Variants in NUP107 observed in about 807,000 individuals in gnomAD.
NUP107 encodes nuclear pore complex protein Nup107.
A neutral mutation model predicts 141.0 loss-of-function variants in NUP107; 101 were observed. The ratio of observed to expected loss-of-function variants is 0.72; its 90% confidence interval spans 0.61 to 0.84. The LOEUF is 0.84. Ranked by LOEUF, NUP107 falls within the 40% of genes least tolerant of loss-of-function variation. The pLI is 0.00. For missense variants in NUP107, 941 were observed against 1,102.7 expected (o/e 0.85, Z 2.08); for synonymous variants, 319 against 363.9 (o/e 0.88, Z 1.41).
chr12:68,707,478 AG>A (rs1485924059), intron 8 of NUP107, among the ~76,000 whole-genome samples: 3 of 152,122 alleles, frequency 2.0e-5, no homozygotes, highest in Non-Finnish European at 2.9e-5. Context: ...GTGCATGCCT[AG>A]TCCCATCTAC....
chr12:68,714,950 C>G (rs530093593), intron 11 of NUP107, among the ~76,000 whole-genome samples: 128 of 152,266 alleles, frequency 8.4e-4, no homozygotes, highest in African/African-American at 2.9e-3. Context: ...GCTTTGTGTT[C>G]TTCTTCCATC....
chr12:68,688,937 T>C (rs778185986), intron 1 of NUP107, 25 bp from the exon 2 acceptor site: 11 of 1,544,890 alleles, frequency 7.1e-6, no homozygotes, highest in Non-Finnish European at 8.0e-6. Context: ...GTTTCACTTA[T>C]ATAAGCTTGA....
Position 68,734,820 on chromosome 12 carries a change from A to G in NUP107, c.2375A>G (p.Glu792Gly). 1 of 1,612,184 alleles carries G rather than the reference A, an allele frequency of 6.2e-7. No individual in the cohort carries two copies. The highest frequency in any genetic ancestry group is 8.5e-7 in the Non-Finnish European group (1 of 1,179,512). ...GAGAAAGTGGCTCATGAACACAAAG[A>G]AAAGAAATATGAAGTAAGTTAAATA... is the stretch of plus-strand genomic sequence containing the variant. ...FTEKVAHEHK[E>G]KKYEMDFGIW... Residue 792 changes from glutamate (E) to glycine (G), a missense_variant, in exon 25 of 28, where the codon GAA (glutamate) becomes GGA (glycine). Physicochemically the swap from Glu to Gly is moderately conservative, Grantham distance 98. Coordinates refer to ENST00000229179, the MANE Select transcript of NUP107 (RefSeq NM_020401.4).
intron 8 of NUP107, chr12:68,705,610 C>G: frequency 2.1e-6 from 1 of 466,000 alleles, no homozygotes; most frequent in Non-Finnish European, 4.1e-6. Flanking sequence ...GCTCAGCCTG[C>G]CTGCCTTCAC....
chr12:68,725,747 A>G lies in NUP107; in HGVS notation c.1527A>G (p.Gln509=). 3 of 1,533,506 alleles carry G rather than the reference A, an allele frequency of 2.0e-6. No individual in the cohort carries two copies. Among genetic ancestry groups the G allele is most frequent in the Non-Finnish European group, 2.7e-6 (3 of 1,126,864 alleles). The allele number at this position is 1,533,506 out of a possible 1,614,324, so 95.0% of individuals were successfully genotyped here. ...TTCAGAGAGTTCTGGAAGAGAATCA[A>G]GAACATTATCATATAGTTCAAAAGT... is the stretch of plus-strand genomic sequence containing the variant. ...TDKKRVLEEN[Q]EHYHIVQKFL... Residue 509 remains glutamine, a synonymous_variant, in exon 18 of 28, where the codon CAA becomes CAG. Coordinates refer to ENST00000229179, the MANE Select transcript of NUP107 (RefSeq NM_020401.4).
chr12:68,704,712 C>T (rs1876495523), intron 8 of NUP107, among the ~76,000 whole-genome samples: 1 of 151,816 alleles, frequency 6.6e-6, no homozygotes, highest in Admixed American at 6.6e-5. Context: ...GTTTTGGCCT[C>T]CCAAAGTGCT....
intron 7 of NUP107, among the ~76,000 whole-genome samples, chr12:68,702,274 C>G (rs74943405): frequency 0.045 from 6,915 of 152,086 alleles, 529 homozygotes; most frequent in African/African-American, 0.16. Flanking sequence ...TAGGCGAGAG[C>G]CACCGTACCT....
intron 5 of NUP107, among the ~76,000 whole-genome samples, chr12:68,696,439 G>A (rs965773106): frequency 2.0e-5 from 3 of 152,032 alleles, no homozygotes; most frequent in Non-Finnish European, 2.9e-5. Flanking sequence ...CAGGCTGGGT[G>A]CGGTGGCTCA....
intron 11 of NUP107, 72 bp from the exon 12 acceptor site, chr12:68,715,555 C>T: frequency 1.2e-6 from 1 of 803,226 alleles, no homozygotes; most frequent in Non-Finnish European, 2.2e-6. Flanking sequence ...TTTATCATCT[C>T]TTGATGATGT....
At chr12:68,710,546 T>C (rs1367260434) in intron 10 of NUP107, among the ~76,000 whole-genome samples, 1 of 151,176 alleles carries the variant, frequency 6.6e-6, no homozygotes, top group Non-Finnish European at 1.5e-5. Flanking sequence ...TCCCAGCTAC[T>C]TGGGAGGCTG....
chr12:68,700,509 A>G (rs1401208553), intron 6 of NUP107, among the ~76,000 whole-genome samples: 1 of 152,214 alleles, frequency 6.6e-6, no homozygotes, highest in African/African-American at 2.4e-5. Flanking sequence ...TGTTAGACTT[A>G]TATATATACT....
At chr12:68,709,928 G>T (rs1008827459) in intron 9 of NUP107, 77 bp from the exon 10 acceptor site, 12 of 803,882 alleles carry the variant, frequency 1.5e-5, no homozygotes, top group South Asian at 2.9e-5. Flanking sequence ...TTGAATTAAG[G>T]GTAGTAGTAC....
intron 8 of NUP107, chr12:68,706,749 A>G: frequency 2.6e-6 from 2 of 759,616 alleles, no homozygotes; most frequent in South Asian, 2.7e-5. Flanking sequence ...GAGTACCAGG[A>G]GCTGATGAAC....
intron 24 of NUP107, among the ~76,000 whole-genome samples, chr12:68,734,479 C>T (rs1235545957): frequency 2.0e-5 from 3 of 152,068 alleles, no homozygotes; most frequent in South Asian, 2.1e-4. Flanking sequence ...TCAGGGTGCT[C>T]AGATTGGAGA....
intron 26 of NUP107, among the ~76,000 whole-genome samples, chr12:68,737,560 CAAAAA>C (rs757208798): frequency 6.9e-5 from 5 of 72,070 alleles, no homozygotes; most frequent in African/African-American, 1.6e-4. Context: ...GACCCTGTCT[CAAAAA>C]AAAAAAAAAA....
chr12:68,719,748 C>G, intron 14 of NUP107, 94 bp downstream of exon 14: 1 of 901,596 alleles, frequency 1.1e-6, no homozygotes. Flanking sequence ...TAGTGTAAAA[C>G]TGGTTTTCAG....
At position 68,733,474 on chromosome 12, in the gene NUP107, A is replaced by G. The variant is rs1260389873; in HGVS notation, c.2124A>G (p.Ala708=). 6.2e-7 allele frequency: 1 copy of G among 1,611,198 alleles called. No homozygotes were observed. Among genetic ancestry groups the G allele is most frequent in the Non-Finnish European group, 8.5e-7 (1 of 1,178,742 alleles). ...KFLASKKHEA[A]KEVFVKIPQD... ...CAGCATCAAAAAAGCACGAAGCTGC[A>G]AAAGAAGTATTTGTGAAAATTCCTC... Residue 708 remains alanine (A), a synonymous_variant, in exon 24 of 28, where the codon GCA becomes GCG. Coordinates refer to ENST00000229179, the MANE Select transcript of NUP107 (RefSeq NM_020401.4).
intron 20 of NUP107, among the ~76,000 whole-genome samples, chr12:68,730,364 A>G (rs1054250341): frequency 6.6e-6 from 1 of 151,656 alleles, no homozygotes; most frequent in Admixed American, 6.6e-5. Flanking sequence ...GATTACAGGC[A>G]TGCGCCACCA....
rs916545179 is a variant in NUP107 at position 68,690,643 on chromosome 12, G to A, written c.200G>A (p.Ser67Asn). The change falls in exon 4 of 28, where the codon AGC becomes AAC. Residue 67 changes from serine (S) to asparagine (N), a missense_variant. Ser to Asn is a conservative substitution (Grantham distance 46). Coordinates refer to ENST00000229179, the MANE Select transcript of NUP107 (RefSeq NM_020401.4). ...SSFRQPFTPT[S>N]RSLLRQPDIS... Reference sequence around the variant, plus strand: ...CTTTTGTTTATAGTTACCCCAACAAGCCGAAGCTTACTAAGGCAGCCAGAT... The same window carrying A: ...CTTTTGTTTATAGTTACCCCAACAAACCGAAGCTTACTAAGGCAGCCAGAT... 14 of 1,614,028 alleles carry A rather than the reference G, an allele frequency of 8.7e-6. No homozygotes were observed. In the African/African-American group the frequency reaches 1.6e-4, roughly 18 times the overall value.
Sources: allele counts gnomAD v4.1 joint callset (sites outside exome capture counted in the v4.1 genomes callset), GRCh38; gene constraint gnomAD v4.1.1; transcripts MANE v1.5; gene names NCBI Gene and HGNC (gene_info 2026-07-23, HGNC 2026-07-21).